Variants in PTPRT observed in about 807,000 individuals in gnomAD.
PTPRT encodes the protein receptor-type tyrosine-protein phosphatase T.
PTPRT carries 56 observed loss-of-function variants against 176.8 expected under a neutral mutation model. That is an observed-to-expected ratio of 0.32 (90% CI 0.26 to 0.40). PTPRT has a LOEUF of 0.40. PTPRT is among the 10% of genes least tolerant of loss of function. PTPRT has a pLI of 1.00. For synonymous variants in PTPRT, 783 were observed against 739.0 expected, an observed-to-expected ratio of 1.06 and a Z score of -0.96; for missense variants, 1,540 against 1,908.2, an observed-to-expected ratio of 0.81 and a Z score of 3.60.
chr20:42,201,289 G>C (rs752429579), intron 15 of PTPRT, among the ~76,000 whole-genome samples: 34 of 152,152 alleles, frequency 2.2e-4, no homozygotes, highest in Non-Finnish European at 3.8e-4. Context: ...GACAGAGTGA[G>C]ACCCCATCAA....
chr20:42,669,604 T>C (rs1322794616), intron 7 of PTPRT, among the ~76,000 whole-genome samples: 2 of 152,160 alleles, frequency 1.3e-5, no homozygotes, highest in Admixed American at 1.3e-4. Context: ...ATTTTATAGA[T>C]GGTGCCGCCA....
intron 27 of PTPRT, among the ~76,000 whole-genome samples, chr20:42,097,804 C>T (rs969076972): frequency 1.3e-5 from 2 of 152,282 alleles, no homozygotes; most frequent in Admixed American, 6.5e-5. Flanking sequence ...GAATGGCTGC[C>T]CTGGCATAGA....
intron 9 of PTPRT, among the ~76,000 whole-genome samples, chr20:42,379,513 C>A (rs1445408605): frequency 6.6e-6 from 1 of 152,212 alleles, no homozygotes; most frequent in Admixed American, 6.5e-5. Context: ...CTTCCCAGAG[C>A]CTCTCACTCT....
At chr20:42,215,751 C>T (rs1036841383) in intron 15 of PTPRT, among the ~76,000 whole-genome samples, 1 of 76,552 alleles carries the variant, frequency 1.3e-5, no homozygotes, top group African/African-American at 3.3e-5. Flanking sequence ...CAGTCATTTT[C>T]CCACCCTAGC....
At chr20:42,345,364 T>TACACAC (rs778541205) in intron 11 of PTPRT, among the ~76,000 whole-genome samples, 121 of 92,930 alleles carry the variant, frequency 1.3e-3, no homozygotes, top group Middle Eastern at 4.7e-3. Context: ...TGAAGGCATA[T>TACACAC]ATACACACAC....
intron 17 of PTPRT, among the ~76,000 whole-genome samples, chr20:42,151,579 G>A (rs948573001): frequency 6.6e-6 from 1 of 152,148 alleles, no homozygotes; most frequent in Non-Finnish European, 1.5e-5. Context: ...CCAAGTCTTT[G>A]CTATTATAAA....
intron 1 of PTPRT, among the ~76,000 whole-genome samples, chr20:43,185,078 C>G (rs1275707538): frequency 6.6e-6 from 1 of 152,152 alleles, no homozygotes; most frequent in African/African-American, 2.4e-5. Context: ...TTCTTCCTCT[C>G]CATACTAATC....
intron 15 of PTPRT, among the ~76,000 whole-genome samples, chr20:42,227,953 T>A (rs1447748011): frequency 6.6e-6 from 1 of 152,126 alleles, no homozygotes; most frequent in African/African-American, 2.4e-5. Context: ...CACAGAGTCC[T>A]CCACAGGAAT....
intron 7 of PTPRT, among the ~76,000 whole-genome samples, chr20:42,488,730 C>T (rs1321055836): frequency 2.0e-5 from 3 of 151,862 alleles, no homozygotes; most frequent in Non-Finnish European, 2.9e-5. Flanking sequence ...TTTGGGAGGC[C>T]GAGGCGGGTG....
intron 7 of PTPRT, among the ~76,000 whole-genome samples, chr20:42,477,476 G>T (rs538876424): frequency 1.3e-5 from 2 of 152,134 alleles, no homozygotes; most frequent in Admixed American, 1.3e-4. Flanking sequence ...AAGCATTCAT[G>T]CTTTCAGTCC....
chr20:42,618,899 G>T (rs1187075059), intron 7 of PTPRT, among the ~76,000 whole-genome samples: 1 of 150,164 alleles, frequency 6.7e-6, no homozygotes, highest in Admixed American at 6.6e-5. Context: ...TATCCAACTT[G>T]CCAGTCTGTG....
chr20:42,360,216 A>G (rs1327749184), intron 9 of PTPRT, among the ~76,000 whole-genome samples: 1 of 152,148 alleles, frequency 6.6e-6, no homozygotes, highest in Non-Finnish European at 1.5e-5. Flanking sequence ...TAGCTACCAG[A>G]CACACTTTAG....
At chr20:42,374,628 A>T (rs528410240) in intron 9 of PTPRT, among the ~76,000 whole-genome samples, 129 of 152,364 alleles carry the variant, frequency 8.5e-4, no homozygotes, top group African/African-American at 2.9e-3. Flanking sequence ...GATAAATGAC[A>T]TGAACAGGAA....
chr20:42,807,988 A>C (rs1373567156), intron 2 of PTPRT, among the ~76,000 whole-genome samples: 1 of 152,208 alleles, frequency 6.6e-6, no homozygotes, highest in Non-Finnish European at 1.5e-5. Context: ...AGTCTTTAGC[A>C]GTAGCCCCTC....
intron 7 of PTPRT, among the ~76,000 whole-genome samples, chr20:42,565,129 G>C (rs1466279057): frequency 6.6e-6 from 1 of 152,074 alleles, no homozygotes; most frequent in Non-Finnish European, 1.5e-5. Flanking sequence ...GAGAAGAAGG[G>C]GGCCTGAAAT....
chr20:43,126,371 G>GA lies in PTPRT; in HGVS notation c.88+63274dup, dbSNP rs35081809. 5.9e-3 allele frequency among the ~76,000 whole-genome samples: 869 copies of GA among 147,274 alleles called. 10 individuals carry two copies. The highest frequency in any genetic ancestry group is 0.02 in the African/African-American group (821 of 40,104). The stretch of plus-strand genomic sequence containing the variant: ...GTTTCAAAGAGAAAAAAAAAAGAAA[G>GA]AAAAAAAAAAGATTAAAAGAAAGTC... On this transcript the variant is annotated intron_variant, in intron 1 of 30. Transcript: ENST00000373187.
intron 1 of PTPRT, among the ~76,000 whole-genome samples, chr20:42,976,235 G>A (rs1236244671): frequency 6.6e-6 from 1 of 152,076 alleles, no homozygotes; most frequent in African/African-American, 2.4e-5. Flanking sequence ...AGGGAGCCCT[G>A]CATATCATCA....
intron 1 of PTPRT, among the ~76,000 whole-genome samples, chr20:43,027,115 T>C (rs1038522661): frequency 6.6e-6 from 1 of 152,190 alleles, no homozygotes; most frequent in Admixed American, 6.5e-5. Context: ...GATCATATGG[T>C]AGCTCTAGTT....
At chr20:42,513,201 G>GGGGT (rs753412856) in intron 7 of PTPRT, among the ~76,000 whole-genome samples, 1 of 144,566 alleles carries the variant, frequency 6.9e-6, no homozygotes, top group South Asian at 2.2e-4. Flanking sequence ...CTATTGATGG[G>GGGGT]GTGTGTGTGT....
Sources: allele counts gnomAD v4.1 joint callset (sites outside exome capture counted in the v4.1 genomes callset), GRCh38; gene constraint gnomAD v4.1.1; transcripts MANE v1.5; gene names NCBI Gene and HGNC (gene_info 2026-07-23, HGNC 2026-07-21).